SLC3A1: variants seen among roughly 807,000 people sequenced by gnomAD.
The protein encoded by SLC3A1 is solute carrier family 3 member 1, also known as amino acid transporter heavy chain SLC3A1.
Under a neutral mutation model 60.3 loss-of-function variants are expected in SLC3A1, and 78 were observed. The ratio of observed to expected loss-of-function variants is 1.29; its 90% CI spans 1.08 to 1.56. SLC3A1 has a LOEUF of 1.56. Ranked by LOEUF, SLC3A1 falls within the 40% of genes most tolerant of loss-of-function variation. The pLI is 0.00. For missense variants in SLC3A1, 1,172 were observed against 858.9 expected (o/e 1.36, Z -4.56); for synonymous variants, 392 against 307.9 (o/e 1.27, Z -2.86).
intron 4 of SLC3A1, among the ~76,000 whole-genome samples, chr2:44,291,587 C>G (rs903920889): frequency 3.3e-5 from 5 of 152,144 alleles, no homozygotes; most frequent in Non-Finnish European, 7.3e-5. Flanking sequence ...AGAGGAAAGC[C>G]TCTTTGCTCC....
chr2:44,319,974 G>T, intron 9 of SLC3A1: 1 of 541,188 alleles, frequency 1.8e-6, no homozygotes, highest in Non-Finnish European at 3.3e-6. Flanking sequence ...AGAGCACTGT[G>T]CGTACTTATT....
In SLC3A1 at chr2:44,304,177, G is replaced by A; in HGVS notation, c.1171G>A (p.Asp391Asn). The A allele has an allele frequency of 1.2e-6, 2 of 1,614,108 alleles. No homozygotes were observed. Among genetic ancestry groups the A allele is most frequent in the Non-Finnish European group, 1.7e-6 (2 of 1,179,988 alleles). The change falls in exon 7 of 10, where the codon GAC becomes AAC. Residue 391 changes from aspartate to asparagine, a missense_variant. Asp to Asn is a conservative substitution (Grantham distance 23, BLOSUM62 1). Transcript: ENST00000260649. ...GACTGAAGCCTATGCAGAGAGTATT[G>A]ACAGGACCGTGATGTACTATGGATT... Reference protein sequence around the residue: ...MGTEAYAESIDRTVMYYGLPF... With the variant: ...MGTEAYAESINRTVMYYGLPF...
At chr2:44,314,216 G>C (rs1187292298) in intron 9 of SLC3A1, 3 of 812,314 alleles carry the variant, frequency 3.7e-6, no homozygotes, top group Non-Finnish European at 5.6e-6. Context: ...AGGCCTTTGA[G>C]CTATGAAGGA....
At chr2:44,301,287 C>G in intron 6 of SLC3A1, 160 bp downstream of exon 6, 1 of 907,238 alleles carries the variant, frequency 1.1e-6, no homozygotes, top group South Asian at 1.4e-5. Context: ...TGCCATATTC[C>G]TTTCCTGTTT....
chr2:44,300,781 T>C (rs1400650951), intron 5 of SLC3A1, among the ~76,000 whole-genome samples: 4 of 152,226 alleles, frequency 2.6e-5, no homozygotes, highest in African/African-American at 9.6e-5. Flanking sequence ...ATTTATTTGC[T>C]AAAATGGGTG....
At chr2:44,316,459 G>C (rs1300621353) in intron 9 of SLC3A1, 1 of 144,604 alleles carries the variant, frequency 6.9e-6, no homozygotes, top group Non-Finnish European at 1.5e-5. Context: ...AAAAGACAAA[G>C]AATTAAGAGC....
rs767350315 is a variant in SLC3A1 at position 44,304,301 on chromosome 2, T to C, written c.1295T>C (p.Met432Thr). The change falls in exon 7 of 10, where the codon ATG becomes ACG. Residue 432 changes from methionine to threonine, a missense_variant. Physicochemically the swap from Met to Thr is moderately conservative, Grantham distance 81. Transcript: ENST00000260649. ...GTGTATGAGGTTATCACATCCTGGA[T>C]GGAAAACATGCCAGAAGGAAAATGG... is the stretch of plus-strand genomic sequence containing the variant. ...NSVYEVITSW[M>T]ENMPEGKWPN... The C allele has an allele frequency of 6.2e-7, 1 of 1,614,094 alleles. No homozygotes were observed. The highest frequency in any genetic ancestry group is 1.3e-5 in the African/African-American group (1 of 74,948).
chr2:44,310,021 G>C (rs1166328715), intron 7 of SLC3A1, among the ~76,000 whole-genome samples: 1 of 152,144 alleles, frequency 6.6e-6, no homozygotes, highest in Non-Finnish European at 1.5e-5. Flanking sequence ...CTCCCACAAA[G>C]TAGCTGGGAC....
chr2:44,301,163 CT>C (rs1354298980), intron 6 of SLC3A1, 36 bp downstream of exon 6: 4 of 1,613,694 alleles, frequency 2.5e-6, no homozygotes, highest in Non-Finnish European at 3.4e-6. Context: ...TCTTCCCAGG[CT>C]TAGTGTGTGA....
At chr2:44,312,149 TG>T (rs1310049368) in intron 7 of SLC3A1, among the ~76,000 whole-genome samples, 2 of 152,216 alleles carry the variant, frequency 1.3e-5, no homozygotes, top group Admixed American at 1.3e-4. Flanking sequence ...TTCTAAAAGT[TG>T]ATTTACTTTA....
chr2:44,313,261 C>G (rs532790962), intron 8 of SLC3A1, among the ~76,000 whole-genome samples: 1 of 152,110 alleles, frequency 6.6e-6, no homozygotes, highest in Non-Finnish European at 1.5e-5. Context: ...TATTTTGTAG[C>G]TACAGATTTC....
At chr2:44,308,976 C>T (rs1199033939) in intron 7 of SLC3A1, among the ~76,000 whole-genome samples, 1 of 152,178 alleles carries the variant, frequency 6.6e-6, no homozygotes, top group African/African-American at 2.4e-5. Flanking sequence ...TCATGATCTG[C>T]CTGCCTCAGC....
Position 44,297,270 on chromosome 2 carries a change from C to G in SLC3A1, c.892-2701C>G, listed in dbSNP as rs13386554. 1.2e-3 allele frequency among the ~76,000 whole-genome samples: 184 copies of G among 152,272 alleles called. 1 individual carries two copies. Among genetic ancestry groups the G allele is most frequent in the African/African-American group, 4.2e-3 (176 of 41,546 alleles). On this transcript the variant is annotated intron_variant, in intron 4 of 9. Coordinates refer to ENST00000260649, the MANE Select transcript of SLC3A1 (RefSeq NM_000341.4). ...CTTTGCAGAGCTTGTGAGCAGGTGC[C>G]GGAGCCGGAGCAGGCCTTGCTGGGA...
rs146309571 is a variant in SLC3A1, at chr2:44,287,548, G to T, written c.891+1391G>T. Among the ~76,000 whole-genome samples the T allele has an allele frequency of 4.6e-5, 7 of 152,288 alleles. No homozygotes were observed. The East Asian group carries it at 1.3e-3, about 29-fold the overall frequency. ...TACTGCTACCAAAAAATTGTTCATT[G>T]ATTACCTGAAATTGAAATGTAATTG... On this transcript the variant is annotated intron_variant, in intron 4 of 9. Coordinates refer to ENST00000260649, the MANE Select transcript of SLC3A1 (RefSeq NM_000341.4).
At chr2:44,278,084 C>T (rs1243407585) in intron 1 of SLC3A1, among the ~76,000 whole-genome samples, 1 of 152,098 alleles carries the variant, frequency 6.6e-6, no homozygotes. Context: ...CCTCTTGCTG[C>T]CTGTTGATAC....
At chr2:44,307,064 C>G (rs1672176135) in intron 7 of SLC3A1, among the ~76,000 whole-genome samples, 1 of 152,130 alleles carries the variant, frequency 6.6e-6, no homozygotes, top group Non-Finnish European at 1.5e-5. Context: ...TATGGATTTG[C>G]CTATTCAGGG....
chr2:44,310,018 A>C lies in SLC3A1; in HGVS notation c.1333-2568A>C, dbSNP rs191664026. On this transcript the variant is annotated intron_variant, in intron 7 of 9. Transcript: ENST00000260649. ...GCAATCCTCCTGCATTAGCTCCCACAAAGTAGCTGGGACTATAGGTGCATA... is the reference window on the plus strand; with the variant it reads ...GCAATCCTCCTGCATTAGCTCCCACCAAGTAGCTGGGACTATAGGTGCATA... 2.0e-3 allele frequency among the ~76,000 whole-genome samples: 297 copies of C among 152,176 alleles called. 1 individual carries two copies. Among genetic ancestry groups the C allele is most frequent in the African/African-American group, 6.7e-3 (278 of 41,516 alleles).
Position 44,321,352 on chromosome 2 carries a change from T to C in SLC3A1, c.*713T>C. ...GTTTCCAATTCCCAGTTGAATGCAG[T>C]GTTTCAGAATTTCAGGTATTTCTTA... On this transcript the variant is annotated 3_prime_UTR_variant, in exon 10 of 10. Transcript: ENST00000260649. The C allele has an allele frequency of 6.3e-7, 1 of 1,594,312 alleles. No homozygotes were observed. The highest frequency in any genetic ancestry group is 8.6e-7 in the Non-Finnish European group (1 of 1,162,666).
In SLC3A1 at chr2:44,321,386, G is replaced by T; in HGVS notation, c.*747G>T. 1.9e-6 allele frequency: 3 copies of T among 1,612,042 alleles called. No homozygotes were observed. Among genetic ancestry groups the T allele is most frequent in the Non-Finnish European group, 8.5e-7 (1 of 1,178,530 alleles). ...ATTTCAGGTATTTCTTAAGATCCTC[G>T]AAAACACTGGTGCTGTCAAGTCCAA... On this transcript the variant is annotated 3_prime_UTR_variant, in exon 10 of 10. Coordinates refer to ENST00000260649, the MANE Select transcript of SLC3A1 (RefSeq NM_000341.4).
Sources: allele counts gnomAD v4.1 joint callset (sites outside exome capture counted in the v4.1 genomes callset), GRCh38; gene constraint gnomAD v4.1.1; transcripts MANE v1.5; gene names NCBI Gene and HGNC (gene_info 2026-07-23, HGNC 2026-07-21).